Variants in PRH1 observed in about 807,000 individuals in gnomAD.
PRH1 encodes salivary acidic proline-rich phosphoprotein 1/2.
In PRH1, 7 loss-of-function variants were observed where a neutral mutation model predicts 7.9. The observed-to-expected ratio is 0.89, with a 90% CI of 0.50 to 1.67. The LOEUF (loss-of-function observed/expected upper bound fraction) is 1.67, where lower values mean the gene tolerates loss of function less well. Ranked by LOEUF, PRH1 falls within the 40% of genes most tolerant of loss-of-function variation. The pLI, the probability that PRH1 is intolerant of heterozygous loss-of-function variation, is 0.00. For synonymous variants in PRH1, 45 were observed against 80.8 expected (o/e 0.56, Z 2.38); for missense variants, 109 against 223.6 (o/e 0.49, Z 3.27).
chr12:10,881,193 C>T (rs1949394447), intron 3 of PRH1, 137 bp from the exon 4 acceptor site: 1 of 153,486 alleles, frequency 6.5e-6, no homozygotes, highest in Non-Finnish European at 1.5e-5. Flanking sequence ...CTACAGCCCC[C>T]TTCTCCTTAG....
chr12:11,091,541 G>A, intron 1 of PRH1: 4 of 1,452,502 alleles, frequency 2.8e-6, no homozygotes, highest in East Asian at 2.3e-5. Flanking sequence ...GGAGATCACA[G>A]TTTGCAAAGC....
At position 10,901,169 on chromosome 12, in the gene PRH1, C is replaced by G. The variant is rs532062475; in HGVS notation, c.-58-16894G>C. ...TGGGCTGATCCTCTCTGTTTTATGC[C>G]CAGGCAAATATCCAAGCATTAAGAG... On this transcript the variant is annotated intron_variant, in intron 2 of 3. Transcript: ENST00000539853. Among the ~76,000 whole-genome samples, 6 of 152,192 alleles carry G rather than the reference C, an allele frequency of 3.9e-5. No homozygotes were observed. The South Asian group carries it at 1.2e-3, about 32-fold the overall frequency.
intron 2 of PRH1, among the ~76,000 whole-genome samples, chr12:10,917,613 T>C (rs1035799375): frequency 5.3e-5 from 8 of 152,238 alleles, no homozygotes; most frequent in Non-Finnish European, 8.8e-5. Flanking sequence ...CAGATGCAGT[T>C]ACGGACAGTT....
At chr12:10,936,749 T>C (rs1950294964) in intron 2 of PRH1, among the ~76,000 whole-genome samples, 1 of 152,166 alleles carries the variant, frequency 6.6e-6, no homozygotes, top group Non-Finnish European at 1.5e-5. Flanking sequence ...ACCAGTCCTA[T>C]TGTACTACGG....
At chr12:10,910,706 C>T (rs574340723) in intron 2 of PRH1, among the ~76,000 whole-genome samples, 3 of 151,982 alleles carry the variant, frequency 2.0e-5, no homozygotes, top group Non-Finnish European at 2.9e-5. Context: ...ATTCTGAAAA[C>T]GTGGAGACTC....
chr12:11,167,300 C>T (rs1947609395), intron 1 of PRH1, among the ~76,000 whole-genome samples: 1 of 152,150 alleles, frequency 6.6e-6, no homozygotes, highest in Non-Finnish European at 1.5e-5. Flanking sequence ...GTATTCTAAA[C>T]TGTCACATTA....
Position 10,975,323 on chromosome 12 carries a change from C to A in PRH1, c.-125-1602G>T, listed in dbSNP as rs185283483. The stretch of plus-strand genomic sequence containing the variant: ...ATCAAGAATTTCGTATCCACCCAAA[C>A]TAAGCTTCATAAGTGAAGGGGAAAT... On this transcript the variant is annotated intron_variant, in intron 1 of 3. Transcript: ENST00000539853. Among the ~76,000 whole-genome samples, 134 of 152,258 alleles carry A rather than the reference C, an allele frequency of 8.8e-4. 1 individual carries two copies. The highest frequency in any genetic ancestry group is 9.2e-4 in the Admixed American group (14 of 15,282).
chr12:10,909,538 T>C (rs1949864689), intron 2 of PRH1: 2 of 439,362 alleles, frequency 4.6e-6, no homozygotes, highest in Admixed American at 3.9e-5. Context: ...CTAGCTAAGA[T>C]ATTTATGTCT....
At chr12:10,998,012 G>T in intron 1 of PRH1, 3 of 601,358 alleles carry the variant, frequency 5.0e-6, no homozygotes, top group Non-Finnish European at 8.3e-6. Context: ...TAAATTCTGT[G>T]AACAATGTCA....
intron 1 of PRH1, among the ~76,000 whole-genome samples, chr12:11,025,644 C>A (rs1298003189): frequency 1.3e-5 from 2 of 152,300 alleles, no homozygotes; most frequent in Admixed American, 1.3e-4. Context: ...CTCCTCTAAT[C>A]TTACAGAACT....
intron 1 of PRH1, among the ~76,000 whole-genome samples, chr12:11,005,249 A>T (rs997035409): frequency 2.0e-5 from 3 of 152,150 alleles, no homozygotes; most frequent in African/African-American, 7.2e-5. Context: ...TTTCATACTG[A>T]TGTTGAAGTG....
chr12:10,950,299 C>A (rs1950550686), intron 2 of PRH1, among the ~76,000 whole-genome samples: 1 of 151,946 alleles, frequency 6.6e-6, no homozygotes, highest in South Asian at 2.1e-4. Flanking sequence ...TCATACTCAG[C>A]CAAAGGAATT....
intron 1 of PRH1, among the ~76,000 whole-genome samples, chr12:11,036,351 C>A (rs990141242): frequency 2.6e-5 from 4 of 152,162 alleles, no homozygotes; most frequent in Admixed American, 6.5e-5. Context: ...TCTGGTGCTT[C>A]TATGGAATTC....
chr12:10,900,204 T>G (rs1949704419), intron 2 of PRH1, among the ~76,000 whole-genome samples: 2 of 152,138 alleles, frequency 1.3e-5, no homozygotes, highest in Non-Finnish European at 2.9e-5. Context: ...AGCCTCCCTC[T>G]GTGACTCACC....
At chr12:11,020,362 CG>C (rs770377856) in intron 1 of PRH1, among the ~76,000 whole-genome samples, 71,786 of 130,520 alleles carry the variant, frequency 0.55, 20,362 homozygotes, top group East Asian at 0.87. Context: ...GTATGATAAG[CG>C]ATATATATAT....
At chr12:11,096,945 C>CCA (rs1945085461) in intron 1 of PRH1, among the ~76,000 whole-genome samples, 1 of 113,026 alleles carries the variant, frequency 8.8e-6, no homozygotes, top group South Asian at 2.4e-4. Flanking sequence ...CTACAGGCAC[C>CCA]CACCACCACG....
intron 1 of PRH1, among the ~76,000 whole-genome samples, chr12:11,113,582 T>G (rs1945650147): frequency 6.6e-6 from 1 of 152,216 alleles, no homozygotes; most frequent in Non-Finnish European, 1.5e-5. Flanking sequence ...GATTAAAAAC[T>G]TAAATGTAAT....
intron 1 of PRH1, among the ~76,000 whole-genome samples, chr12:11,130,697 T>A (rs1303200004): frequency 6.6e-6 from 1 of 152,116 alleles, no homozygotes; most frequent in African/African-American, 2.4e-5. Context: ...CCCTATGGAA[T>A]CAGTGTAAGA....
intron 2 of PRH1, chr12:10,896,878 G>T (rs971907575): frequency 2.0e-5 from 3 of 152,008 alleles, no homozygotes; most frequent in Non-Finnish European, 4.4e-5. Context: ...AATCTAGAAT[G>T]GTTTGTGACT....
Sources: allele counts gnomAD v4.1 joint callset (sites outside exome capture counted in the v4.1 genomes callset), GRCh38; gene constraint gnomAD v4.1.1; transcripts MANE v1.5; gene names NCBI Gene and HGNC (gene_info 2026-07-23, HGNC 2026-07-21).